KCNB2: variants seen among roughly 807,000 people sequenced by gnomAD.
KCNB2 encodes delayed rectifier potassium channel protein.
KCNB2 carries 15 observed loss-of-function variants against 61.5 expected under a neutral mutation model. The observed-to-expected ratio is 0.24, with a 90% CI of 0.16 to 0.38. The LOEUF (loss-of-function observed/expected upper bound fraction) is 0.38. Among genes scored for constraint, KCNB2 ranks in the 10% least tolerant of loss-of-function variants. The pLI is 1.00. For missense variants in KCNB2, 828 were observed against 1,125.2 expected (o/e 0.74, Z 3.78); for synonymous variants, 457 against 446.0 (o/e 1.02, Z -0.31).
chr8:72,846,908 G>A (rs1488538562), intron 2 of KCNB2, among the ~76,000 whole-genome samples: 1 of 152,066 alleles, frequency 6.6e-6, no homozygotes, highest in Non-Finnish European at 1.5e-5. Context: ...CCATTACTAG[G>A]TATATACCCA....
intron 2 of KCNB2, among the ~76,000 whole-genome samples, chr8:72,915,562 TG>T (rs1022280856): frequency 2.6e-5 from 4 of 151,782 alleles, no homozygotes; most frequent in Non-Finnish European, 5.9e-5. Flanking sequence ...ATATTAGAAC[TG>T]GGGGGGAAAA....
intron 2 of KCNB2, among the ~76,000 whole-genome samples, chr8:72,727,557 T>C (rs548820050): frequency 6.6e-6 from 1 of 152,326 alleles, no homozygotes; most frequent in East Asian, 1.9e-4. Context: ...GCCCTCAGCA[T>C]AGATAAAGTC....
intron 2 of KCNB2, among the ~76,000 whole-genome samples, chr8:72,889,278 C>T (rs1805857119): frequency 6.6e-6 from 1 of 152,188 alleles, no homozygotes; most frequent in Admixed American, 6.5e-5. Context: ...GGCTAAATAA[C>T]TTATGATCCC....
chr8:72,821,219 A>G (rs909998480), intron 2 of KCNB2, among the ~76,000 whole-genome samples: 1 of 152,194 alleles, frequency 6.6e-6, no homozygotes, highest in Non-Finnish European at 1.5e-5. Context: ...ATCAGGCATC[A>G]AGGACCATTT....
intron 2 of KCNB2, among the ~76,000 whole-genome samples, chr8:72,828,182 A>G (rs1408068376): frequency 6.6e-6 from 1 of 152,208 alleles, no homozygotes; most frequent in Non-Finnish European, 1.5e-5. Context: ...AAAAATAATA[A>G]TCAAATTGTA....
At chr8:72,537,956 G>A (rs1806139918) in intron 1 of KCNB2, 71 bp downstream of exon 1, 1 of 152,206 alleles carries the variant, frequency 6.6e-6, no homozygotes, top group Non-Finnish European at 1.5e-5. Context: ...CGGCAGCCTA[G>A]CCAGACTTGA....
chr8:72,554,428 A>G (rs1482451020), intron 1 of KCNB2, among the ~76,000 whole-genome samples: 1 of 152,152 alleles, frequency 6.6e-6, no homozygotes, highest in Non-Finnish European at 1.5e-5. Flanking sequence ...GGAATCATTA[A>G]TAATAAGGTT....
At chr8:72,592,974 T>C (rs534016207) in intron 2 of KCNB2, among the ~76,000 whole-genome samples, 2 of 152,304 alleles carry the variant, frequency 1.3e-5, no homozygotes, top group African/African-American at 2.4e-5. Flanking sequence ...GGAATAAAAA[T>C]AAATAAAAGA....
chr8:72,702,643 T>C (rs1807151916), intron 2 of KCNB2, among the ~76,000 whole-genome samples: 1 of 152,170 alleles, frequency 6.6e-6, no homozygotes, highest in Admixed American at 6.5e-5. Context: ...TGTGGAAATA[T>C]TGAACCATGA....
intron 2 of KCNB2, among the ~76,000 whole-genome samples, chr8:72,889,714 C>T (rs1805865350): frequency 6.6e-6 from 1 of 152,070 alleles, no homozygotes; most frequent in Non-Finnish European, 1.5e-5. Flanking sequence ...TGCACTTGAA[C>T]AATCAATAAA....
At chr8:72,786,342 G>A (rs1168042940) in intron 2 of KCNB2, among the ~76,000 whole-genome samples, 26 of 152,090 alleles carry the variant, frequency 1.7e-4, no homozygotes, top group Non-Finnish European at 2.9e-5. Flanking sequence ...ATGATAAATG[G>A]CCCAGCAAAG....
At chr8:72,615,170 A>G (rs1315202849) in intron 2 of KCNB2, among the ~76,000 whole-genome samples, 3 of 152,328 alleles carry the variant, frequency 2.0e-5, no homozygotes, top group Middle Eastern at 3.4e-3. Context: ...CCTTTTACTA[A>G]TTACATATAG....
chr8:72,734,253 G>C (rs1476527721), intron 2 of KCNB2, among the ~76,000 whole-genome samples: 1 of 152,162 alleles, frequency 6.6e-6, no homozygotes, highest in East Asian at 1.9e-4. Flanking sequence ...TGTACAGGCA[G>C]CTTTGGTGAA....
At chr8:72,547,329 T>G (rs1806273675) in intron 1 of KCNB2, among the ~76,000 whole-genome samples, 2 of 152,218 alleles carry the variant, frequency 1.3e-5, no homozygotes, top group South Asian at 4.1e-4. Flanking sequence ...AGGAATAATT[T>G]TGACTTTCAA....
chr8:72,566,455 T>G (rs571514346), intron 1 of KCNB2, among the ~76,000 whole-genome samples: 3 of 152,066 alleles, frequency 2.0e-5, no homozygotes, highest in African/African-American at 7.2e-5. Flanking sequence ...ATCCCAGCAC[T>G]TTGGGAGGCC....
chr8:72,918,774 G>C (rs980978617), intron 2 of KCNB2, among the ~76,000 whole-genome samples: 1 of 152,168 alleles, frequency 6.6e-6, no homozygotes, highest in African/African-American at 2.4e-5. Flanking sequence ...TGGTGCAGCT[G>C]GCCAGTGGCA....
chr8:72,771,653 G>C (rs1180929269), intron 2 of KCNB2, among the ~76,000 whole-genome samples: 6 of 152,050 alleles, frequency 3.9e-5, no homozygotes, highest in African/African-American at 1.4e-4. Flanking sequence ...GCCAGGCAAG[G>C]AGCAAGTAGG....
At chr8:72,898,314 G>C (rs1806025279) in intron 2 of KCNB2, among the ~76,000 whole-genome samples, 1 of 151,866 alleles carries the variant, frequency 6.6e-6, no homozygotes, top group Admixed American at 6.6e-5. Flanking sequence ...AGGGGGGAGG[G>C]ATAGCATTAG....
intron 2 of KCNB2, among the ~76,000 whole-genome samples, chr8:72,836,770 G>T (rs1478409244): frequency 6.6e-6 from 1 of 152,066 alleles, no homozygotes; most frequent in African/African-American, 2.4e-5. Flanking sequence ...AAATAGCTGG[G>T]CATGGTGGCA....
Sources: allele counts gnomAD v4.1 joint callset (sites outside exome capture counted in the v4.1 genomes callset), GRCh38; gene constraint gnomAD v4.1.1; transcripts MANE v1.5; gene names NCBI Gene and HGNC (gene_info 2026-07-23, HGNC 2026-07-21).